Variants in PCDH15 observed in about 807,000 individuals in gnomAD.
PCDH15 encodes the protein protocadherin-15.
A neutral mutation model predicts 178.5 loss-of-function variants in PCDH15; 129 were observed. The ratio of observed to expected loss-of-function variants is 0.72; its 90% CI spans 0.63 to 0.84. PCDH15 has a LOEUF of 0.84. PCDH15 is among the 40% of genes least tolerant of loss of function. The probability of loss-of-function intolerance (pLI) is 0.00; values close to 1 mark genes in which losing one functional copy is unlikely to be tolerated. For synonymous variants in PCDH15, 800 were observed against 732.0 expected (o/e 1.09, Z -1.50); for missense variants, 2,230 against 2,099.9 (o/e 1.06, Z -1.21).
At chr10:54,453,993 G>A (rs926683037) in intron 3 of PCDH15, among the ~76,000 whole-genome samples, 1 of 151,030 alleles carries the variant, frequency 6.6e-6, no homozygotes, top group South Asian at 2.1e-4. Flanking sequence ...CTTTCCAATA[G>A]GTCTGAAATA....
At chr10:55,303,171 T>C (rs967810757) in intron 1 of PCDH15, among the ~76,000 whole-genome samples, 2 of 152,162 alleles carry the variant, frequency 1.3e-5, no homozygotes, top group East Asian at 3.8e-4. Flanking sequence ...AGTCCTATCA[T>C]TTCTGTAAGT....
At chr10:54,573,210 T>C (rs1735722019) in intron 2 of PCDH15, among the ~76,000 whole-genome samples, 1 of 152,146 alleles carries the variant, frequency 6.6e-6, no homozygotes, top group Non-Finnish European at 1.5e-5. Context: ...AGAGAAGTAT[T>C]GCCTATTATA....
chr10:54,519,908 G>A (rs7080772), intron 3 of PCDH15, among the ~76,000 whole-genome samples: 33,930 of 151,836 alleles, frequency 0.22, 4,300 homozygotes, highest in African/African-American at 0.32. Context: ...AAATAAGGCC[G>A]CATATCTACA....
intron 2 of PCDH15, among the ~76,000 whole-genome samples, chr10:54,903,274 A>G (rs1410167704): frequency 2.0e-5 from 3 of 152,000 alleles, no homozygotes; most frequent in African/African-American, 7.2e-5. Flanking sequence ...TTTTTTGAAC[A>G]TACAATTTCA....
chr10:54,825,335 C>T (rs1262452735), intron 3 of PCDH15, among the ~76,000 whole-genome samples: 6 of 148,106 alleles, frequency 4.1e-5, no homozygotes, highest in African/African-American at 7.5e-5. Flanking sequence ...AATAAACATA[C>T]GTGTGCATGT....
intron 27 of PCDH15, among the ~76,000 whole-genome samples, chr10:53,857,569 A>AT (rs11462600): frequency 0.31 from 47,359 of 150,866 alleles, 9,627 homozygotes; most frequent in East Asian, 0.83. Flanking sequence ...GAAGGGTGGC[A>AT]TTTTTTTTTA....
intron 2 of PCDH15, among the ~76,000 whole-genome samples, chr10:54,904,156 AT>A (rs1467520561): frequency 6.6e-6 from 1 of 152,072 alleles, no homozygotes; most frequent in East Asian, 1.9e-4. Flanking sequence ...TCATTGGTTG[AT>A]TTTTGTTTCC....
intron 21 of PCDH15, 150 bp downstream of exon 21, chr10:53,995,499 G>T: frequency 7.1e-7 from 1 of 1,399,234 alleles, no homozygotes; most frequent in Non-Finnish European, 9.8e-7. Context: ...CTGTACCTGT[G>T]GATGAAATAA....
intron 2 of PCDH15, among the ~76,000 whole-genome samples, chr10:55,043,483 A>C (rs897221719): frequency 6.6e-6 from 1 of 151,962 alleles, no homozygotes; most frequent in Non-Finnish European, 1.5e-5. Context: ...CCCAGGCAGG[A>C]GGATTACTTG....
chr10:54,682,326 T>A (rs2094915686), intron 1 of PCDH15, among the ~76,000 whole-genome samples: 1 of 152,180 alleles, frequency 6.6e-6, no homozygotes, highest in Non-Finnish European at 1.5e-5. Context: ...TAGCAAGCAA[T>A]GAAACTTCTC....
At chr10:53,889,335 A>G (rs1048569861) in intron 26 of PCDH15, among the ~76,000 whole-genome samples, 1 of 152,146 alleles carries the variant, frequency 6.6e-6, no homozygotes, top group East Asian at 1.9e-4. Flanking sequence ...CAGAGTATAT[A>G]AAGAATTCTA....
At chr10:54,047,054 C>A (rs1426942491) in intron 18 of PCDH15, among the ~76,000 whole-genome samples, 1 of 152,022 alleles carries the variant, frequency 6.6e-6, no homozygotes, top group Non-Finnish European at 1.5e-5. Context: ...AGTAGGATCT[C>A]ATAAATAAGT....
chr10:54,269,915 TAATA>T (rs1448429018), intron 8 of PCDH15, among the ~76,000 whole-genome samples: 1 of 152,048 alleles, frequency 6.6e-6, no homozygotes, highest in Admixed American at 6.6e-5. Flanking sequence ...ATGATACACA[TAATA>T]AATTTCTAAG....
intron 3 of PCDH15, among the ~76,000 whole-genome samples, chr10:54,857,083 C>T (rs1953754676): frequency 6.6e-6 from 1 of 152,122 alleles, no homozygotes; most frequent in African/African-American, 2.4e-5. Flanking sequence ...TGTGCACTTT[C>T]TGTTCAGTGC....
At chr10:55,385,693 C>CAA (rs71461296) in intron 2 of PCDH15, among the ~76,000 whole-genome samples, 12 of 128,766 alleles carry the variant, frequency 9.3e-5, no homozygotes, top group Non-Finnish European at 1.3e-4. Flanking sequence ...CTTCCTCTGC[C>CAA]TATATATATA....
At chr10:54,914,977 T>C (rs943395014) in intron 2 of PCDH15, among the ~76,000 whole-genome samples, 9 of 152,232 alleles carry the variant, frequency 5.9e-5, no homozygotes, top group Admixed American at 3.3e-4. Flanking sequence ...TTGTGGCATA[T>C]GCCACTTTTT....
At chr10:55,404,394 G>A (rs957480692) in intron 2 of PCDH15, among the ~76,000 whole-genome samples, 2 of 152,000 alleles carry the variant, frequency 1.3e-5, no homozygotes, top group Admixed American at 1.3e-4. Context: ...CAGCGCTTAG[G>A]ATTTTGCAAT....
chr10:54,451,628 A>G (rs2076485693), intron 3 of PCDH15, among the ~76,000 whole-genome samples: 2 of 151,940 alleles, frequency 1.3e-5, no homozygotes, highest in Non-Finnish European at 2.9e-5. Flanking sequence ...ACACATGTAA[A>G]TCTATAACAT....
At chr10:55,305,406 T>A (rs538030760) in intron 1 of PCDH15, among the ~76,000 whole-genome samples, 2 of 152,316 alleles carry the variant, frequency 1.3e-5, no homozygotes, top group East Asian at 3.9e-4. Flanking sequence ...GACAGGGACA[T>A]CTGATGGCTC....
Sources: allele counts gnomAD v4.1 joint callset (sites outside exome capture counted in the v4.1 genomes callset), GRCh38; gene constraint gnomAD v4.1.1; transcripts MANE v1.5; gene names NCBI Gene and HGNC (gene_info 2026-07-23, HGNC 2026-07-21).